BFSP2: variants seen among roughly 807,000 people sequenced by gnomAD.
BFSP2 encodes phakinin.
BFSP2 carries 38 observed loss-of-function variants against 44.9 expected under a neutral mutation model. The ratio of observed to expected loss-of-function variants is 0.85; its 90% CI spans 0.65 to 1.11. The LOEUF (loss-of-function observed/expected upper bound fraction) is 1.11, where lower values mean the gene tolerates loss of function less well. BFSP2 is among the 50% of genes least tolerant of loss of function. The pLI, the probability that BFSP2 is intolerant of heterozygous loss-of-function variation, is 0.00. For missense variants in BFSP2, 525 were observed against 533.0 expected (o/e 0.99, Z 0.15); for synonymous variants, 197 against 209.9 (o/e 0.94, Z 0.53).
At chr3:133,457,632 G>C (rs1453344316) in intron 4 of BFSP2, among the ~76,000 whole-genome samples, 5 of 152,092 alleles carry the variant, frequency 3.3e-5, no homozygotes, top group Non-Finnish European at 7.4e-5. Context: ...ATACCACAGG[G>C]GGCAGCAAAC....
chr3:133,461,967 A>T (rs1394619409), intron 4 of BFSP2, among the ~76,000 whole-genome samples: 1 of 152,228 alleles, frequency 6.6e-6, no homozygotes, highest in Non-Finnish European at 1.5e-5. Flanking sequence ...GTGGTTGGTT[A>T]TAACTTTATT....
intron 4 of BFSP2, among the ~76,000 whole-genome samples, chr3:133,459,397 G>A (rs1229893765): frequency 1.3e-5 from 2 of 152,146 alleles, no homozygotes; most frequent in African/African-American, 4.8e-5. Context: ...ACTCATTGCT[G>A]AGCCTCTTCA....
intron 4 of BFSP2, among the ~76,000 whole-genome samples, chr3:133,450,877 C>G (rs1334052046): frequency 6.6e-6 from 1 of 152,046 alleles, no homozygotes; most frequent in East Asian, 1.9e-4. Context: ...TTTGGGAGGC[C>G]AAGGCGGGCG....
chr3:133,429,827 C>T (rs1381146828), intron 1 of BFSP2: 3 of 151,428 alleles, frequency 2.0e-5, no homozygotes, highest in African/African-American at 7.3e-5. Flanking sequence ...CATATGTATA[C>T]ATGTGCCATG....
intron 1 of BFSP2, among the ~76,000 whole-genome samples, chr3:133,427,074 G>C (rs539224946): frequency 2.6e-5 from 4 of 152,258 alleles, no homozygotes; most frequent in Non-Finnish European, 5.9e-5. Context: ...CATGACTCCT[G>C]GTTTAAGCCA....
intron 1 of BFSP2, among the ~76,000 whole-genome samples, chr3:133,438,546 AAAAAAAG>A (rs996819760): frequency 1.3e-5 from 2 of 150,490 alleles, no homozygotes; most frequent in African/African-American, 4.8e-5. Context: ...GAAACAAAAC[AAAAAAAG>A]AAAAAAGAAA....
chr3:133,468,533 A>AAT (rs2074132783), intron 5 of BFSP2, among the ~76,000 whole-genome samples: 1 of 152,124 alleles, frequency 6.6e-6, no homozygotes, highest in African/African-American at 2.4e-5. Context: ...CTGGTGACTC[A>AAT]ATTGTGCATC....
chr3:133,467,494 C>G (rs2074123410), intron 5 of BFSP2, among the ~76,000 whole-genome samples: 1 of 152,102 alleles, frequency 6.6e-6, no homozygotes, highest in Admixed American at 6.5e-5. Flanking sequence ...CCTGAGAGTA[C>G]TCCTTAATGA....
chr3:133,437,242 G>C (rs966886085), intron 1 of BFSP2, among the ~76,000 whole-genome samples: 1 of 152,160 alleles, frequency 6.6e-6, no homozygotes, highest in African/African-American at 2.4e-5. Context: ...AAGGAACTGA[G>C]GGCTGGGCAC....
intron 1 of BFSP2, among the ~76,000 whole-genome samples, chr3:133,401,342 T>C (rs1440159158): frequency 6.6e-6 from 1 of 152,248 alleles, no homozygotes; most frequent in Non-Finnish European, 1.5e-5. Context: ...TAGCCATATA[T>C]GGCTATCAAG....
chr3:133,417,349 G>A (rs1187011403), intron 1 of BFSP2, among the ~76,000 whole-genome samples: 3 of 33,556 alleles, frequency 8.9e-5, no homozygotes, highest in Admixed American at 9.0e-4. Context: ...CACTCACCCC[G>A]TTCTCTCCCC....
intron 4 of BFSP2, among the ~76,000 whole-genome samples, chr3:133,466,451 A>G (rs940794625): frequency 2.0e-5 from 3 of 151,804 alleles, no homozygotes; most frequent in Non-Finnish European, 4.4e-5. Context: ...AGGCCAAGGC[A>G]TGCGGATTAC....
intron 1 of BFSP2, among the ~76,000 whole-genome samples, chr3:133,445,103 A>G (rs1457233439): frequency 6.6e-6 from 1 of 152,262 alleles, no homozygotes; most frequent in African/African-American, 2.4e-5. Flanking sequence ...TATGTGCTGA[A>G]GAAATTAAGG....
intron 5 of BFSP2, among the ~76,000 whole-genome samples, chr3:133,471,823 G>T (rs779289952): frequency 6.6e-6 from 1 of 152,152 alleles, no homozygotes; most frequent in African/African-American, 2.4e-5. Context: ...AAAGGCCAGA[G>T]ACATTCATTC....
At chr3:133,466,024 T>G (rs2074105840) in intron 4 of BFSP2, among the ~76,000 whole-genome samples, 1 of 152,190 alleles carries the variant, frequency 6.6e-6, no homozygotes, top group Non-Finnish European at 1.5e-5. Flanking sequence ...CTATAAAGAA[T>G]GTACTCAATT....
chr3:133,448,959 C>A, intron 3 of BFSP2: 1 of 347,658 alleles, frequency 2.9e-6, no homozygotes, highest in Non-Finnish European at 5.4e-6. Flanking sequence ...CATTCTATGT[C>A]AGGTTTTTTT....
intron 1 of BFSP2, among the ~76,000 whole-genome samples, chr3:133,422,149 CTTGGGCTA>C (rs2073599188): frequency 6.9e-6 from 1 of 145,886 alleles, no homozygotes; most frequent in Non-Finnish European, 1.5e-5. Flanking sequence ...TATCAAACTA[CTTGGGCTA>C]TTGGGGTCCA....
rs1453127445 is a variant in BFSP2 at position 133,405,175 on chromosome 3, G to C, written c.489+4603G>C. On this transcript the variant is annotated intron_variant, in intron 1 of 6. Coordinates refer to ENST00000302334, the MANE Select transcript of BFSP2 (RefSeq NM_003571.4). ...AAAGGAACAGCTGAAGCCAGGGGGA[G>C]AATGAAGCTGCCTGAGGAAGAAAGG... Among the ~76,000 whole-genome samples, 5 of 152,182 alleles carry C rather than the reference G, an allele frequency of 3.3e-5. No homozygotes were observed. In the East Asian group the frequency reaches 9.6e-4, roughly 29 times the overall value.
intron 1 of BFSP2, among the ~76,000 whole-genome samples, chr3:133,431,944 G>A (rs1374376376): frequency 1.3e-5 from 2 of 151,752 alleles, no homozygotes; most frequent in Non-Finnish European, 2.9e-5. Flanking sequence ...GCATCTCATT[G>A]CCGCCCTTCT....
Sources: allele counts gnomAD v4.1 joint callset (sites outside exome capture counted in the v4.1 genomes callset), GRCh38; gene constraint gnomAD v4.1.1; transcripts MANE v1.5; gene names NCBI Gene and HGNC (gene_info 2026-07-23, HGNC 2026-07-21).